Variants in NBAS observed in about 807,000 individuals in gnomAD.
NBAS encodes the protein NAG/BC035112 fusion.
A neutral mutation model predicts 302.5 loss-of-function variants in NBAS; 219 were observed. The observed-to-expected ratio is 0.72, with a 90% CI of 0.65 to 0.81. The LOEUF (loss-of-function observed/expected upper bound fraction) is 0.81, where lower values mean the gene tolerates loss of function less well. Among genes scored for constraint, NBAS ranks in the 30% least tolerant of loss-of-function variants. The pLI is 0.00. For missense variants in NBAS, 2,932 were observed against 2,841.6 expected (o/e 1.03, Z -0.72); for synonymous variants, 1,118 against 1,021.6 (o/e 1.09, Z -1.80).
chr2:14,852,865 C>T, the NBAS span, among the ~76,000 whole-genome samples: 11 of 126,380 alleles, frequency 8.7e-5, no homozygotes, highest in Non-Finnish European at 1.5e-4. Flanking sequence ...AACTGGCTAG[C>T]CATATGTAGA....
At chr2:15,340,672 A>C (rs1181797167) in intron 35 of NBAS, among the ~76,000 whole-genome samples, 1 of 152,170 alleles carries the variant, frequency 6.6e-6, no homozygotes, top group East Asian at 1.9e-4. Context: ...GAATGAGTGT[A>C]GACAGAGATG....
At chr2:15,165,029 T>C (rs1663980647), downstream of NBAS, among the ~76,000 whole-genome samples, 1 of 152,188 alleles carries the variant, frequency 6.6e-6, no homozygotes, top group Non-Finnish European at 1.5e-5. Flanking sequence ...TGGGCCTCAG[T>C]CTACTAATCC....
intron 11 of NBAS, among the ~76,000 whole-genome samples, chr2:15,501,560 A>C (rs1025978740): frequency 4.6e-5 from 7 of 151,096 alleles, no homozygotes; most frequent in Admixed American, 1.3e-4. Context: ...GAGTTTCATA[A>C]GTAAATTTTT....
the NBAS span, among the ~76,000 whole-genome samples, chr2:14,864,918 T>C: frequency 1.3e-5 from 2 of 152,208 alleles, no homozygotes; most frequent in Non-Finnish European, 2.9e-5. Flanking sequence ...TAGTGTACAA[T>C]TGTTGTCATG....
chr2:14,948,914 C>A, the NBAS span, among the ~76,000 whole-genome samples: 1 of 152,016 alleles, frequency 6.6e-6, no homozygotes, highest in Non-Finnish European at 1.5e-5. Context: ...ATCAATGGAA[C>A]AGAATAAAGC....
rs190981997 is a variant in NBAS at position 15,204,331 on chromosome 2, T to G, written c.6433-13928A>C. Among the ~76,000 whole-genome samples the G allele has an allele frequency of 3.6e-3, 549 of 152,092 alleles. 4 individuals are homozygous for G. Among genetic ancestry groups the G allele is most frequent in the African/African-American group, 0.013 (522 of 41,478 alleles). On this transcript the variant is annotated intron_variant, in intron 48 of 51. Transcript: ENST00000281513. Reference sequence around the variant, plus strand: ...CTTGAAGTCTAAACATAAAAAGAGCTCTCAAAAATATTGTACTCTACCCAG... The same window carrying G: ...CTTGAAGTCTAAACATAAAAAGAGCGCTCAAAAATATTGTACTCTACCCAG...
At chr2:15,205,630 C>G (rs551817659) in intron 48 of NBAS, among the ~76,000 whole-genome samples, 5 of 152,292 alleles carry the variant, frequency 3.3e-5, no homozygotes, top group African/African-American at 1.2e-4. Flanking sequence ...TGTGTCCCCA[C>G]TCAAATCGCA....
chr2:14,846,997 C>A, the NBAS span, among the ~76,000 whole-genome samples: 264 of 152,204 alleles, frequency 1.7e-3, 1 homozygote, highest in African/African-American at 6.1e-3. Context: ...AATGGACCAA[C>A]CTCTCCAATC....
intron 51 of NBAS, chr2:15,177,883 G>T (rs1188808222): frequency 6.2e-5 from 18 of 289,500 alleles, no homozygotes; most frequent in Non-Finnish European, 1.2e-4. Flanking sequence ...ATCAGGTACG[G>T]TATTCACAAA....
At chr2:15,000,976 T>C in the NBAS span, among the ~76,000 whole-genome samples, 1 of 152,112 alleles carries the variant, frequency 6.6e-6, no homozygotes, top group African/African-American at 2.4e-5. Context: ...AGCCAGTACA[T>C]GATGGGAACA....
chr2:15,345,415 G>A (rs1188334767), intron 35 of NBAS, among the ~76,000 whole-genome samples: 1 of 152,086 alleles, frequency 6.6e-6, no homozygotes, highest in East Asian at 1.9e-4. Flanking sequence ...TTGCTACAAA[G>A]AGAATAAAAT....
chr2:15,528,120 A>G (rs1045943148), intron 9 of NBAS, among the ~76,000 whole-genome samples: 12 of 151,618 alleles, frequency 7.9e-5, no homozygotes, highest in African/African-American at 2.7e-4. Flanking sequence ...CAATTTCCCA[A>G]AACTACACTA....
At chr2:14,870,223 G>C in the NBAS span, among the ~76,000 whole-genome samples, 1 of 152,148 alleles carries the variant, frequency 6.6e-6, no homozygotes, top group Non-Finnish European at 1.5e-5. Context: ...AGCCAGCTTA[G>C]ATTTCAGGGA....
chr2:15,143,434 T>C, the NBAS span, among the ~76,000 whole-genome samples: 10 of 152,274 alleles, frequency 6.6e-5, no homozygotes, highest in East Asian at 1.9e-3. Flanking sequence ...GCCCTTGTGA[T>C]TTCACTGAAG....
the NBAS span, among the ~76,000 whole-genome samples, chr2:14,788,128 C>T: frequency 6.6e-6 from 1 of 152,224 alleles, no homozygotes; most frequent in East Asian, 1.9e-4. Context: ...TCCTGAGGCT[C>T]TTGCATTCTT....
chr2:15,487,989 G>A (rs1378501408), intron 12 of NBAS, among the ~76,000 whole-genome samples: 1 of 152,130 alleles, frequency 6.6e-6, no homozygotes, highest in South Asian at 2.1e-4. Flanking sequence ...CCAGTGAATC[G>A]AGGAAGAAAA....
At chr2:15,243,267 A>G (rs534341273) in intron 44 of NBAS, among the ~76,000 whole-genome samples, 1 of 152,326 alleles carries the variant, frequency 6.6e-6, no homozygotes, top group South Asian at 2.1e-4. Context: ...ATCTGAGCAG[A>G]AGTGACATAT....
the NBAS span, among the ~76,000 whole-genome samples, chr2:14,913,978 T>G: frequency 3.3e-5 from 5 of 151,794 alleles, no homozygotes; most frequent in Non-Finnish European, 5.9e-5. Context: ...AATAAAGAGG[T>G]TTAATGGACT....
chr2:14,905,371 A>C, the NBAS span, among the ~76,000 whole-genome samples: 1 of 152,228 alleles, frequency 6.6e-6, no homozygotes, highest in South Asian at 2.1e-4. Context: ...GAAGACTCCA[A>C]AAGTAAATTG....
Sources: allele counts gnomAD v4.1 joint callset (sites outside exome capture counted in the v4.1 genomes callset), GRCh38; gene constraint gnomAD v4.1.1; transcripts MANE v1.5; gene names NCBI Gene and HGNC (gene_info 2026-07-23, HGNC 2026-07-21).